Variants in ZNF385D observed in about 807,000 individuals in gnomAD.
ZNF385D encodes the protein zinc finger protein 385D, also known as zinc finger protein 659.
Under a neutral mutation model 35.8 loss-of-function variants are expected in ZNF385D, and 15 were observed. That is an observed-to-expected ratio of 0.42 (90% CI 0.28 to 0.64). The LOEUF (loss-of-function observed/expected upper bound fraction) is 0.64, where lower values mean the gene tolerates loss of function less well. Among genes scored for constraint, ZNF385D ranks in the 30% least tolerant of loss-of-function variants. The pLI, the probability that ZNF385D is intolerant of heterozygous loss-of-function variation, is 0.23. For missense variants in ZNF385D, 474 were observed against 494.6 expected (o/e 0.96, Z 0.39); for synonymous variants, 212 against 186.8 (o/e 1.13, Z -1.10).
chr3:21,581,107 C>T (rs774311288), intron 2 of ZNF385D, among the ~76,000 whole-genome samples: 6 of 152,134 alleles, frequency 3.9e-5, no homozygotes, highest in Non-Finnish European at 8.8e-5. Flanking sequence ...AAAACACTGC[C>T]TTCCAGGAAC....
intron 3 of ZNF385D, among the ~76,000 whole-genome samples, chr3:21,943,927 T>C (rs530936968): frequency 2.5e-4 from 38 of 152,334 alleles, no homozygotes; most frequent in Middle Eastern, 3.4e-3. Context: ...CAATCAAGCT[T>C]CCTTGTCAGT....
chr3:21,792,836 T>C lies in ZNF385D; in HGVS notation c.326-127808A>G, dbSNP rs148903476. ...AGCTATTTTGTGCCAAATGATTGTTTTGATTTTTTTAAAAAGAGCTTAATT... is the reference window on the plus strand; with the variant it reads ...AGCTATTTTGTGCCAAATGATTGTTCTGATTTTTTTAAAAAGAGCTTAATT... On this transcript the variant is annotated intron_variant, in intron 3 of 5. Transcript: ENST00000494108. Among the ~76,000 whole-genome samples the C allele has an allele frequency of 1.4e-3, 216 of 152,364 alleles. 1 individual carries two copies. Among genetic ancestry groups the C allele is most frequent in the African/African-American group, 4.9e-3 (205 of 41,584 alleles).
chr3:21,589,483 G>A (rs1259483477), intron 2 of ZNF385D, among the ~76,000 whole-genome samples: 1 of 152,146 alleles, frequency 6.6e-6, no homozygotes, highest in Non-Finnish European at 1.5e-5. Flanking sequence ...TTATAAGAGT[G>A]AAGAAAAATA....
rs763676786 is a variant in ZNF385D at position 22,289,960 on chromosome 3, GA to G, written c.106+82489del. Among the ~76,000 whole-genome samples the G allele has an allele frequency of 2.6e-5, 4 of 152,188 alleles. No individual in the cohort carries two copies. The East Asian group carries it at 5.8e-4, about 22-fold the overall frequency. On this transcript the variant is annotated intron_variant, in intron 2 of 5. Transcript: ENST00000494108. Reference sequence around the variant, plus strand: ...GCAGCAGCAGTTGAAAGAGTTTGTGGAAAAAAACCCTCTATGGAAAAACTGG... The same window carrying G: ...GCAGCAGCAGTTGAAAGAGTTTGTGGAAAAAACCCTCTATGGAAAAACTGG...
intron 3 of ZNF385D, among the ~76,000 whole-genome samples, chr3:21,910,098 C>T (rs1160889303): frequency 6.6e-6 from 1 of 151,770 alleles, no homozygotes; most frequent in Non-Finnish European, 1.5e-5. Flanking sequence ...CACACACACA[C>T]ACACACACAG....
At chr3:22,158,337 C>G (rs923614349) in intron 3 of ZNF385D, among the ~76,000 whole-genome samples, 2 of 151,934 alleles carry the variant, frequency 1.3e-5, no homozygotes, top group African/African-American at 4.8e-5. Context: ...TATTGGAAAC[C>G]AGAGTTATTG....
chr3:22,251,444 T>C (rs990946685), intron 2 of ZNF385D, among the ~76,000 whole-genome samples: 2 of 152,142 alleles, frequency 1.3e-5, no homozygotes, highest in African/African-American at 4.8e-5. Context: ...TCAACACCTC[T>C]TTCTCCAACT....
intron 3 of ZNF385D, among the ~76,000 whole-genome samples, chr3:22,072,171 T>G (rs917835145): frequency 6.6e-6 from 1 of 152,076 alleles, no homozygotes; most frequent in Non-Finnish European, 1.5e-5. Context: ...GTTAGTTTTA[T>G]AGAAAGTGAC....
intron 3 of ZNF385D, among the ~76,000 whole-genome samples, chr3:21,877,170 T>C (rs1575821655): frequency 6.6e-6 from 1 of 152,176 alleles, no homozygotes; most frequent in Non-Finnish European, 1.5e-5. Flanking sequence ...TGAGACTCGA[T>C]AAACAAGGTC....
intron 3 of ZNF385D, among the ~76,000 whole-genome samples, chr3:21,989,645 C>T (rs1695034470): frequency 6.6e-6 from 1 of 151,536 alleles, no homozygotes; most frequent in Non-Finnish European, 1.5e-5. Flanking sequence ...GATGCATGTT[C>T]TTATGACATC....
intron 4 of ZNF385D, among the ~76,000 whole-genome samples, chr3:21,461,441 G>C (rs1559312868): frequency 6.6e-6 from 1 of 151,992 alleles, no homozygotes; most frequent in Non-Finnish European, 1.5e-5. Context: ...CCAGCTACTT[G>C]GGAGGCTGAG....
chr3:22,349,990 C>T (rs1196174107), intron 2 of ZNF385D, among the ~76,000 whole-genome samples: 1 of 152,060 alleles, frequency 6.6e-6, no homozygotes, highest in Non-Finnish European at 1.5e-5. Flanking sequence ...TAAACCTTGG[C>T]TATGTTGTAA....
At chr3:21,836,178 ACT>A (rs3042861) in intron 3 of ZNF385D, among the ~76,000 whole-genome samples, 135,452 of 151,988 alleles carry the variant, frequency 0.89, 60,610 homozygotes, top group African/African-American at 0.96. Flanking sequence ...TAGTCTTCTG[ACT>A]CTTCAAAAAC....
At chr3:22,132,157 C>A (rs1160099039) in intron 3 of ZNF385D, among the ~76,000 whole-genome samples, 1 of 152,052 alleles carries the variant, frequency 6.6e-6, no homozygotes, top group Non-Finnish European at 1.5e-5. Context: ...GAAATCTTAA[C>A]CCCTGTGGTG....
intron 4 of ZNF385D, among the ~76,000 whole-genome samples, chr3:21,481,370 G>GA (rs754374186): frequency 6.6e-6 from 1 of 152,150 alleles, no homozygotes; most frequent in Non-Finnish European, 1.5e-5. Flanking sequence ...AGCTTGGTGA[G>GA]AACCCAAGGG....
intron 3 of ZNF385D, among the ~76,000 whole-genome samples, chr3:21,849,317 A>T (rs1374897985): frequency 6.6e-6 from 1 of 152,144 alleles, no homozygotes; most frequent in Non-Finnish European, 1.5e-5. Context: ...TTGATTCAAA[A>T]GAATGAGCTA....
chr3:22,029,883 C>A (rs1379053235), intron 3 of ZNF385D, among the ~76,000 whole-genome samples: 1 of 151,944 alleles, frequency 6.6e-6, no homozygotes, highest in Non-Finnish European at 1.5e-5. Context: ...ATGGTTAATA[C>A]TGAGTATCAA....
At chr3:22,140,429 G>C (rs1213675496) in intron 3 of ZNF385D, among the ~76,000 whole-genome samples, 1 of 152,148 alleles carries the variant, frequency 6.6e-6, no homozygotes, top group Non-Finnish European at 1.5e-5. Flanking sequence ...TTAGAGATTA[G>C]TGTTATGAAG....
At position 21,664,891 on chromosome 3, in the gene ZNF385D, T is replaced by G; in HGVS notation, c.160A>C (p.Asn54His). The G allele has an allele frequency of 6.2e-7, 1 of 1,613,548 alleles. No homozygotes were observed. The change falls in exon 2 of 8, where the codon AAT becomes CAT. Residue 54 changes from asparagine (N) to histidine (H), a missense_variant. Transcript: ENST00000281523. ...CAAATTTGGCAGGTACTTACCGCAT[T>G]GAAATTGGGGAAGAGGTTGACTGCA... ...AAAVNLFPNF[N>H]AMDPIQKAVI... is the part of the protein sequence containing the mutation.
Sources: allele counts gnomAD v4.1 joint callset (sites outside exome capture counted in the v4.1 genomes callset), GRCh38; gene constraint gnomAD v4.1.1; transcripts MANE v1.5; gene names NCBI Gene and HGNC (gene_info 2026-07-23, HGNC 2026-07-21).